The following SLC35B3 variants were observed in gnomAD, a reference collection of about 807,000 sequenced individuals.
SLC35B3 encodes adenosine 3'-phospho 5'-phosphosulfate transporter 2.
A neutral mutation model predicts 44.1 loss-of-function variants in SLC35B3; 35 were observed. The ratio of observed to expected loss-of-function variants is 0.79; its 90% CI spans 0.61 to 1.05. SLC35B3 has a LOEUF of 1.05. Among genes scored for constraint, SLC35B3 ranks in the 50% least tolerant of loss-of-function variants. The probability of loss-of-function intolerance (pLI) is 0.00; values close to 1 mark genes in which losing one functional copy is unlikely to be tolerated. For synonymous variants in SLC35B3, 146 were observed against 167.3 expected (o/e 0.87, Z 0.98); for missense variants, 414 against 476.4 (o/e 0.87, Z 1.22).
intron 4 of SLC35B3, 60 bp downstream of exon 3, chr6:8,427,877 A>G (rs745573582): frequency 1.3e-6 from 2 of 1,501,034 alleles, no homozygotes; most frequent in Admixed American, 1.9e-5. Context: ...ATGCATATTC[A>G]GTATGCCAAA....
chr6:8,423,661 T>C (rs544485623), intron 4 of SLC35B3, among the ~76,000 whole-genome samples: 8 of 152,356 alleles, frequency 5.3e-5, no homozygotes, highest in South Asian at 2.1e-4. Context: ...TGTGTTCACA[T>C]TGAAATCAAG....
chr6:8,426,016 G>T (rs1303432258), intron 4 of SLC35B3, among the ~76,000 whole-genome samples: 1 of 152,178 alleles, frequency 6.6e-6, no homozygotes, highest in Non-Finnish European at 1.5e-5. Context: ...TTGATGAAAA[G>T]GAATGAGATT....
rs1402113189 is a variant in SLC35B3, at chr6:8,419,567, CTAGAG to C, written c.780+8_780+12del. 2 of 1,340,450 alleles carry C rather than the reference CTAGAG, an allele frequency of 1.5e-6. No individual in the cohort carries two copies. The highest frequency in any genetic ancestry group is 2.1e-6 in the Non-Finnish European group (2 of 974,216). 83.0% of individuals were successfully genotyped at this position (1,340,450 alleles called of 1,614,324 possible). ...ATCTGTCTAATTTGAAGAAAAAACA[CTAGAG>C]TATTTACCATTTCAGAATTAGAAGC... On this transcript the variant is annotated splice_region_variant and intron_variant, in intron 7 of 10. Transcript: ENST00000644923. The surrounding 1 kb of genome is among the most constrained non-coding windows in gnomAD (Gnocchi z 4.3).
rs188362246 is a variant in SLC35B3 at position 8,413,650 on chromosome 6, A to G, written c.1105T>C (p.Tyr369His). The change falls in exon 11 of 11, where the codon TAC becomes CAC. Residue 369 changes from tyrosine (Y) to histidine (H), a missense_variant. By Grantham distance (83) the Tyr-to-His change is moderately conservative. Transcript: ENST00000644923. ...CTTATTTTATCCATATTTTTGCTGT[A>G]AACATTAAGAAATATACCAAGGACA... 1.6e-5 allele frequency: 26 copies of G among 1,585,410 alleles called. No homozygotes were observed. The East Asian group carries it at 2.9e-4, about 18-fold the overall frequency.
At position 8,432,877 on chromosome 6, in the gene SLC35B3, G is replaced by C. The variant is rs1243419749; in HGVS notation, c.3+1508C>G. 6.6e-6 allele frequency among the ~76,000 whole-genome samples: 1 copy of C among 152,128 alleles called. No homozygotes were observed. Among genetic ancestry groups the C allele is most frequent in the Non-Finnish European group, 1.5e-5 (1 of 68,018 alleles). ...ACGCTGCCTTCTCTCCTGAGATCCA[G>C]AGCTCTACGTCTAAATGCTTCTTTG... On this transcript the variant is annotated intron_variant, in intron 2 of 10. Coordinates refer to ENST00000644923, the MANE Select transcript of SLC35B3 (RefSeq NM_001370476.2). This position sits in a 1 kb window ranked among gnomAD's most constrained non-coding sequence, Gnocchi z 4.8.
rs189140054 is a variant in SLC35B3, at chr6:8,426,678, G to T, written c.419+1259C>A. 1.4e-4 allele frequency among the ~76,000 whole-genome samples: 21 copies of T among 152,256 alleles called. No individual in the cohort carries two copies. The East Asian group carries it at 3.9e-3, about 28-fold the overall frequency. On this transcript the variant is annotated intron_variant, in intron 4 of 10. Transcript: ENST00000644923. The stretch of plus-strand genomic sequence containing the variant: ...TCGGGTATGTCTTTATCAGCAGCAT[G>T]AAAACGGACTAATAACAGTAAATTG...
At position 8,414,176 on chromosome 6, in the gene SLC35B3, A is replaced by G. The variant is rs1039564467; in HGVS notation, c.1056-477T>C. ...TTATATTTATGTATGACATAACACT[A>G]TTATGTATTATACCTAGTACATACA... On this transcript the variant is annotated intron_variant, in intron 10 of 10. Transcript: ENST00000644923. 2.0e-4 allele frequency among the ~76,000 whole-genome samples: 31 copies of G among 152,142 alleles called. 1 individual carries two copies. Among genetic ancestry groups the G allele is most frequent in the Admixed American group, 1.8e-3 (27 of 15,272 alleles).
rs530218633 is a variant in SLC35B3, at chr6:8,427,675, G to A, written c.419+262C>T. ...TTTATACAAATCAAGTATGTACATT[G>A]TGTTTTTTATCATGTTGTAAGAACA... On this transcript the variant is annotated intron_variant, in intron 4 of 10. Coordinates refer to ENST00000644923, the MANE Select transcript of SLC35B3 (RefSeq NM_001370476.2). 2.0e-5 allele frequency among the ~76,000 whole-genome samples: 3 copies of A among 152,244 alleles called. No homozygotes were observed. The East Asian group carries it at 5.8e-4, about 29-fold the overall frequency.
In SLC35B3 at chr6:8,434,260, A is replaced by T; in HGVS notation, c.3+125T>A. ...ATTTTTGAGTTTTCCGACCTGAAGG[A>T]CAAAAGTCCCACACCAAAAAAAGGT... On this transcript the variant is annotated intron_variant, in intron 2 of 10. Transcript: ENST00000644923. This position sits in a 1 kb window ranked among gnomAD's most constrained non-coding sequence, Gnocchi z 6.3. 1 of 850,920 alleles carries T rather than the reference A, an allele frequency of 1.2e-6. No homozygotes were observed. Among genetic ancestry groups the T allele is most frequent in the Admixed American group, 2.1e-5 (1 of 48,568 alleles). The allele number at this position is 850,920 out of a possible 1,614,324, so 52.7% of individuals were successfully genotyped here.
chr6:8,414,001 G>GT (rs1762193106), intron 10 of SLC35B3, among the ~76,000 whole-genome samples: 2 of 152,166 alleles, frequency 1.3e-5, no homozygotes, highest in South Asian at 4.1e-4. Context: ...ACCAAAAGTC[G>GT]TAAAAGTACA....
intron 7 of SLC35B3, among the ~76,000 whole-genome samples, chr6:8,418,537 CAA>C (rs976580633): frequency 7.7e-6 from 1 of 129,126 alleles, no homozygotes; most frequent in Non-Finnish European, 1.6e-5. Flanking sequence ...ACAAGATATA[CAA>C]AAAGACACTA....
chr6:8,422,434 A>C (rs529596595), intron 5 of SLC35B3, 36 bp downstream of exon 4: 1 of 1,467,930 alleles, frequency 6.8e-7, no homozygotes. Context: ...ATAGCCTATT[A>C]GTTTTAAATA....
At chr6:8,417,115 C>A in intron 8 of SLC35B3, 120 bp from the exon 8 acceptor site, 1 of 590,070 alleles carries the variant, frequency 1.7e-6, no homozygotes, top group Non-Finnish European at 3.0e-6. Flanking sequence ...ACAATGCAGT[C>A]AAGCAAAGAT....
chr6:8,425,621 T>C (rs1379463067), intron 4 of SLC35B3, among the ~76,000 whole-genome samples: 5 of 152,088 alleles, frequency 3.3e-5, no homozygotes, highest in African/African-American at 7.2e-5. Flanking sequence ...ACCTGTAATA[T>C]AGATTTAAAT....
At chr6:8,415,299 G>T (rs144778913) in intron 9 of SLC35B3, among the ~76,000 whole-genome samples, 1 of 152,302 alleles carries the variant, frequency 6.6e-6, no homozygotes, top group African/African-American at 2.4e-5. Flanking sequence ...CTTTCCTATG[G>T]AAGCTATGAT....
rs1764303340 is a variant in SLC35B3 at position 8,434,549 on chromosome 6, T to C, written c.-43-119A>G. ...ATGTTTGAAGACTATTCTTTTTTTT[T>C]TCCAAGAGAAAAAGTTAACACTAGG... On this transcript the variant is annotated intron_variant, in intron 1 of 10. Coordinates refer to ENST00000644923, the MANE Select transcript of SLC35B3 (RefSeq NM_001370476.2). This position sits in a 1 kb window ranked among gnomAD's most constrained non-coding sequence, Gnocchi z 6.3. 1.4e-6 allele frequency: 1 copy of C among 726,532 alleles called. No homozygotes were observed. Among genetic ancestry groups the C allele is most frequent in the Non-Finnish European group, 2.0e-6 (1 of 493,168 alleles). The allele number at this position is 726,532 out of a possible 1,614,324, so 45.0% of individuals were successfully genotyped here.
At position 8,412,519 on chromosome 6, in the gene SLC35B3, T is replaced by G. The variant is rs1236176109; in HGVS notation, c.*1030A>C. Among the ~76,000 whole-genome samples, 1 of 152,198 alleles carries G rather than the reference T, an allele frequency of 6.6e-6. No homozygotes were observed. Among genetic ancestry groups the G allele is most frequent in the Non-Finnish European group, 1.5e-5 (1 of 68,024 alleles). ...ATTACTTGGGCAAACTGTAGCAAATTTTTCTTACTACACATACTTACATGA... is the reference window on the plus strand; with the variant it reads ...ATTACTTGGGCAAACTGTAGCAAATGTTTCTTACTACACATACTTACATGA... On this transcript the variant is annotated 3_prime_UTR_variant, in exon 11 of 11. Coordinates refer to ENST00000644923, the MANE Select transcript of SLC35B3 (RefSeq NM_001370476.2).
In SLC35B3 at chr6:8,417,577, T is replaced by C. The variant is rs138602118; in HGVS notation, c.781-83A>G. 1,207 of 708,772 alleles carry C rather than the reference T, an allele frequency of 1.7e-3. 14 individuals are homozygous for C. In the African/African-American group the frequency reaches 0.019, roughly 11 times the overall value. 43.9% of individuals were successfully genotyped at this position (708,772 alleles called of 1,614,324 possible). A position where few individuals can be genotyped will look rare whatever the true frequency, so the allele number is the denominator to read the frequency against. ...AAGGGTTTTAACTCTATGGCTCAATTAGGTTTGCAGAACAAACATTTTAAA... is the reference window on the plus strand; with the variant it reads ...AAGGGTTTTAACTCTATGGCTCAATCAGGTTTGCAGAACAAACATTTTAAA... On this transcript the variant is annotated intron_variant, in intron 7 of 10. Transcript: ENST00000644923.
chr6:8,435,115 G>C lies in SLC35B3; in HGVS notation c.-44+228C>G. On this transcript the variant is annotated intron_variant, in intron 1 of 10. Transcript: ENST00000644923. The surrounding 1 kb of genome is among the most constrained non-coding windows in gnomAD (Gnocchi z 5.5). ...CGGATTGGGACCTGAGGGAGTTCTC[G>C]CCAGCCCGAGGGCGAAAAACGGGCG... 3.2e-6 allele frequency: 4 copies of C among 1,255,850 alleles called. No homozygotes were observed. The highest frequency in any genetic ancestry group is 2.1e-6 in the Non-Finnish European group (2 of 972,648). The allele number at this position is 1,255,850 out of a possible 1,614,324, so 77.8% of individuals were successfully genotyped here. A position where few individuals can be genotyped will look rare whatever the true frequency, so the allele number is the denominator to read the frequency against.
Sources: allele counts gnomAD v4.1 joint callset (sites outside exome capture counted in the v4.1 genomes callset), GRCh38; gene constraint gnomAD v4.1.1; non-coding constraint Gnocchi (gnomAD v3.1); transcripts MANE v1.5; gene names NCBI Gene and HGNC (gene_info 2026-07-23, HGNC 2026-07-21).